Variants in WDR47 observed in about 807,000 individuals in gnomAD.
WDR47 encodes the protein WD repeat-containing protein 47.
Under a neutral mutation model 97.2 loss-of-function variants are expected in WDR47, and 32 were observed. The observed-to-expected ratio is 0.33, with a 90% CI of 0.25 to 0.44. The LOEUF (loss-of-function observed/expected upper bound fraction) is 0.44. Among genes scored for constraint, WDR47 ranks in the 20% least tolerant of loss-of-function variants. The pLI is 1.00. For missense variants in WDR47, 782 were observed against 1,102.3 expected, an observed-to-expected ratio of 0.71 and a Z score of 4.11; for synonymous variants, 375 against 373.5, an observed-to-expected ratio of 1.00 and a Z score of -0.05.
intron 7 of WDR47, among the ~76,000 whole-genome samples, chr1:108,998,393 C>T (rs375839321): frequency 5.1e-4 from 78 of 152,062 alleles, no homozygotes; most frequent in Middle Eastern, 6.8e-3. Context: ...GTCCCCGCTA[C>T]CTGGGAGGCC....
intron 9 of WDR47, chr1:108,986,988 C>G: frequency 4.3e-6 from 1 of 234,362 alleles, no homozygotes; most frequent in Admixed American, 4.8e-5. Flanking sequence ...CTCTGGGACA[C>G]CAGGTAATAT....
At chr1:109,008,945 C>T (rs1328034756) in intron 5 of WDR47, among the ~76,000 whole-genome samples, 2 of 151,968 alleles carry the variant, frequency 1.3e-5, no homozygotes, top group Non-Finnish European at 1.5e-5. Flanking sequence ...CTGGGCCGGG[C>T]GCAGTGGCGC....
intron 1 of WDR47, among the ~76,000 whole-genome samples, chr1:109,036,881 G>A (rs1351005200): frequency 6.6e-6 from 1 of 152,054 alleles, no homozygotes; most frequent in Non-Finnish European, 1.5e-5. Flanking sequence ...CTCCAGGTGT[G>A]GTCTGATCAA....
chr1:109,010,675 C>T (rs1031556204), intron 5 of WDR47, among the ~76,000 whole-genome samples: 3 of 151,216 alleles, frequency 2.0e-5, no homozygotes, highest in Non-Finnish European at 2.9e-5. Context: ...CTCCCCCTCC[C>T]GGGTTCACGC....
chr1:109,012,151 C>G (rs1661076713), intron 4 of WDR47, among the ~76,000 whole-genome samples: 1 of 151,826 alleles, frequency 6.6e-6, no homozygotes, highest in African/African-American at 2.4e-5. Flanking sequence ...AATTTTTTTT[C>G]TAGAAATGAA....
In WDR47 at chr1:108,974,562, A is replaced by G. The variant is rs1266754499; in HGVS notation, c.2591T>C (p.Met864Thr). The G allele has an allele frequency of 3.7e-6, 6 of 1,614,180 alleles. No homozygotes were observed. The highest frequency in any genetic ancestry group is 1.1e-5 in the South Asian group (1 of 91,082). ...AHYLLTGSYDMKIKVTDLQGD... is the reference protein window; with the variant it reads ...AHYLLTGSYDTKIKVTDLQGD... ...TTGTAGGTCTGTCACCTTTATTTTCATATCATAAGAGCCTGTTAGCAAGTA... is the reference window on the plus strand; with the variant it reads ...TTGTAGGTCTGTCACCTTTATTTTCGTATCATAAGAGCCTGTTAGCAAGTA... The change falls in exon 14 of 15, where the codon ATG (methionine) becomes ACG (threonine). Residue 864 changes from methionine to threonine, a missense_variant. By Grantham distance (81) the Met-to-Thr change is moderately conservative (BLOSUM62 -1). This residue lies in a region of WDR47 where 228 missense variants were observed against 396.7 expected (regional missense o/e 0.57). Coordinates refer to ENST00000369962, the MANE Select transcript of WDR47 (RefSeq NM_001142551.2).
chr1:109,001,661 G>A (rs1468641353), intron 7 of WDR47, among the ~76,000 whole-genome samples: 1 of 152,072 alleles, frequency 6.6e-6, no homozygotes, highest in Non-Finnish European at 1.5e-5. Flanking sequence ...AGGTCAAGGT[G>A]GACGGATCGC....
chr1:109,025,430 CAA>C (rs34794200), intron 1 of WDR47, among the ~76,000 whole-genome samples: 44,268 of 102,184 alleles, frequency 0.43, 8,748 homozygotes, highest in East Asian at 0.66. Context: ...GACTCTGCCT[CAA>C]AAAAAAAAAA....
At chr1:109,031,606 A>T (rs1298393361) in intron 1 of WDR47, among the ~76,000 whole-genome samples, 2 of 138,722 alleles carry the variant, frequency 1.4e-5, no homozygotes, top group Non-Finnish European at 3.2e-5. Context: ...CCATGGACAA[A>T]TATTACCTAT....
At position 108,983,435 on chromosome 1, in the gene WDR47, T is replaced by C. The variant is rs1343990642; in HGVS notation, c.1942A>G (p.Lys648Glu). ...VIDPSAHETP[K>E]QPVVRFKRNK... ...CTTTTAAAACGTACCACCGGCTGCT[T>C]AGGAGTCTCATGTGCACTGAAAAGA... The change falls in exon 11 of 15, where the codon AAG (lysine) becomes GAG (glutamate). Residue 648 changes from lysine to glutamate, a missense_variant. This residue lies in a region of WDR47 where 228 missense variants were observed against 396.7 expected (regional missense o/e 0.57). Transcript: ENST00000369962. 2 of 1,598,940 alleles carry C rather than the reference T, an allele frequency of 1.3e-6. No individual in the cohort carries two copies. The highest frequency in any genetic ancestry group is 3.5e-5 in the Admixed American group (2 of 57,458).
At position 109,018,949 on chromosome 1, in the gene WDR47, G is replaced by A. The variant is rs150382439; in HGVS notation, c.159-1348C>T. 5.2e-4 allele frequency among the ~76,000 whole-genome samples: 79 copies of A among 152,156 alleles called. 1 individual carries two copies. The East Asian group carries it at 0.014, about 28-fold the overall frequency. ...CTGGGCATGGTGGTACATGCCTGTA[G>A]TCCCAGCTATTCAGAAGGCTGAGGT... On this transcript the variant is annotated intron_variant, in intron 2 of 14. Coordinates refer to ENST00000369962, the MANE Select transcript of WDR47 (RefSeq NM_001142551.2).
At chr1:108,972,112 T>C (rs1016387971) in intron 14 of WDR47, among the ~76,000 whole-genome samples, 4 of 152,184 alleles carry the variant, frequency 2.6e-5, no homozygotes, top group African/African-American at 9.6e-5. Flanking sequence ...AACCAAACTC[T>C]TGGTTTTCTT....
chr1:109,032,723 CCT>C (rs1035899542), intron 1 of WDR47, among the ~76,000 whole-genome samples: 2 of 151,178 alleles, frequency 1.3e-5, no homozygotes, highest in African/African-American at 4.9e-5. Context: ...GTGGCAAAAC[CCT>C]GTCTCTACTA....
At chr1:109,008,828 G>C (rs933275979) in intron 5 of WDR47, among the ~76,000 whole-genome samples, 5 of 145,062 alleles carry the variant, frequency 3.4e-5, no homozygotes, top group African/African-American at 1.3e-4. Flanking sequence ...GGTTAGTCTT[G>C]AATTCCTGAC....
At chr1:109,034,643 T>C (rs1172536857) in intron 1 of WDR47, among the ~76,000 whole-genome samples, 1 of 152,086 alleles carries the variant, frequency 6.6e-6, no homozygotes, top group Non-Finnish European at 1.5e-5. Flanking sequence ...ACCCTACATA[T>C]GAGGGATCTA....
chr1:109,019,087 A>G (rs1256053223), intron 2 of WDR47, among the ~76,000 whole-genome samples: 1 of 152,012 alleles, frequency 6.6e-6, no homozygotes, highest in Non-Finnish European at 1.5e-5. Flanking sequence ...AAAAAAAAGT[A>G]AAAAGAATTT....
rs552103805 is a variant in WDR47 at position 108,995,769 on chromosome 1, T to C, written c.1502A>G (p.Asn501Ser). 1.8e-5 allele frequency: 29 copies of C among 1,614,162 alleles called. No homozygotes were observed. The South Asian group carries it at 2.9e-4, about 16-fold the overall frequency. ...GCCTTTGCTCCCATTACATTGCTGG[T>C]TGAGTGCTGATACCTCATTACCAAG... ...DGLGNEVSALNQQCNGSKGNG... is the reference protein window; with the variant it reads ...DGLGNEVSALSQQCNGSKGNG... The change falls in exon 8 of 15, where the codon AAC (asparagine) becomes AGC (serine). Residue 501 changes from asparagine to serine, a missense_variant. Around this residue, in one of 3 missense-constraint regions of WDR47, gnomAD observed 126 missense variants for 121.3 expected, o/e 1.04. Transcript: ENST00000369962.
intron 1 of WDR47, among the ~76,000 whole-genome samples, chr1:109,036,534 C>A (rs1468872300): frequency 1.7e-4 from 21 of 120,876 alleles, no homozygotes; most frequent in Admixed American, 3.6e-4. Context: ...GACTCCGTCT[C>A]AAAAAAAAAA....
At chr1:108,985,801 C>A (rs1286961334) in intron 10 of WDR47, among the ~76,000 whole-genome samples, 1 of 152,026 alleles carries the variant, frequency 6.6e-6, no homozygotes, top group Non-Finnish European at 1.5e-5. Context: ...ATTTCTCACT[C>A]CCTTATAGAG....
Sources: gnomAD v4.1 joint callset for allele counts (sites outside exome capture counted in the v4.1 genomes callset) on GRCh38, gnomAD v4.1.1 for gene constraint, gnomAD v4.1.1 regional missense constraint, MANE v1.5 for transcripts, NCBI Gene and HGNC (gene_info 2026-07-23, HGNC 2026-07-21) for gene names.